The following DNAJC3 variants were observed in gnomAD, a reference collection of about 807,000 sequenced individuals.
The protein encoded by DNAJC3 is DnaJ heat shock protein family (Hsp40) member C3.
A neutral mutation model predicts 68.6 loss-of-function variants in DNAJC3; 38 were observed. The ratio of observed to expected loss-of-function variants is 0.55; its 90% confidence interval spans 0.43 to 0.73. The LOEUF (loss-of-function observed/expected upper bound fraction) is 0.73, where lower values mean the gene tolerates loss of function less well. DNAJC3 is among the 30% of genes least tolerant of loss of function. The pLI is 0.00. For missense variants in DNAJC3, 526 were observed against 591.9 expected, an observed-to-expected ratio of 0.89 and a Z score of 1.16; for synonymous variants, 203 against 204.0, an observed-to-expected ratio of 1.00 and a Z score of 0.04.
At chr13:95,713,437 G>C (rs983301293) in intron 2 of DNAJC3, among the ~76,000 whole-genome samples, 2 of 152,142 alleles carry the variant, frequency 1.3e-5, no homozygotes, top group African/African-American at 4.8e-5. Context: ...TGAAAGATGT[G>C]CAAGAACACT....
intron 9 of DNAJC3, among the ~76,000 whole-genome samples, chr13:95,782,092 A>G (rs558036797): frequency 1.3e-5 from 2 of 152,302 alleles, no homozygotes; most frequent in South Asian, 4.1e-4. Context: ...GCTGAGAACA[A>G]TGGTTTCCAG....
intron 4 of DNAJC3, chr13:95,745,042 A>G (rs1882260590): frequency 6.6e-6 from 1 of 152,222 alleles, no homozygotes; most frequent in Non-Finnish European, 1.5e-5. Context: ...GCCCAGAGAC[A>G]CTTACTGGGG....
chr13:95,718,264 T>C (rs1297436087), intron 2 of DNAJC3, among the ~76,000 whole-genome samples: 1 of 152,242 alleles, frequency 6.6e-6, no homozygotes, highest in African/African-American at 2.4e-5. Context: ...AAACTAAGCA[T>C]GCATTTCTAA....
intron 9 of DNAJC3, among the ~76,000 whole-genome samples, chr13:95,783,178 C>G (rs2139695081): frequency 6.6e-6 from 1 of 152,174 alleles, no homozygotes; most frequent in African/African-American, 2.4e-5. Flanking sequence ...TTAAAATGGT[C>G]TGTCTAGTTA....
chr13:95,738,932 A>C (rs1242677323), intron 4 of DNAJC3, among the ~76,000 whole-genome samples: 1 of 151,358 alleles, frequency 6.6e-6, no homozygotes, highest in African/African-American at 2.4e-5. Flanking sequence ...TGGTCTTTAC[A>C]TTTTGGCATG....
chr13:95,789,971 G>C (rs1321254538), intron 11 of DNAJC3, among the ~76,000 whole-genome samples: 1 of 151,994 alleles, frequency 6.6e-6, no homozygotes, highest in Non-Finnish European at 1.5e-5. Context: ...ACTTTTTAAT[G>C]GGGTTGTTTT....
chr13:95,762,415 C>CA (rs17882680), intron 7 of DNAJC3, among the ~76,000 whole-genome samples: 44 of 150,436 alleles, frequency 2.9e-4, no homozygotes, highest in East Asian at 1.6e-3. Context: ...ATATATGAAA[C>CA]AAAAAAAAAG....
chr13:95,735,205 T>G (rs2139652118), intron 4 of DNAJC3, among the ~76,000 whole-genome samples: 1 of 134,978 alleles, frequency 7.4e-6, no homozygotes, highest in Admixed American at 7.9e-5. Flanking sequence ...CACATTTTCT[T>G]AATCCAGTCT....
intron 1 of DNAJC3, among the ~76,000 whole-genome samples, chr13:95,691,838 C>T (rs970712259): frequency 2.6e-5 from 4 of 152,226 alleles, no homozygotes; most frequent in African/African-American, 7.2e-5. Flanking sequence ...GGATCACTCG[C>T]GGTTAGGAGC....
At chr13:95,712,007 G>A (rs999655123) in intron 2 of DNAJC3, among the ~76,000 whole-genome samples, 2 of 152,158 alleles carry the variant, frequency 1.3e-5, no homozygotes, top group African/African-American at 2.4e-5. Flanking sequence ...TATTATGTTT[G>A]TACACACAAA....
intron 1 of DNAJC3, among the ~76,000 whole-genome samples, chr13:95,703,732 T>C (rs893868382): frequency 2.6e-5 from 4 of 152,184 alleles, no homozygotes; most frequent in African/African-American, 7.2e-5. Context: ...CTTGTGTCTG[T>C]AACTGGTCTG....
chr13:95,692,148 C>G (rs1278090303), intron 1 of DNAJC3, among the ~76,000 whole-genome samples: 3 of 151,676 alleles, frequency 2.0e-5, no homozygotes, highest in Admixed American at 2.0e-4. Context: ...GGGAGAGGGA[C>G]AATTTGGACT....
At position 95,757,635 on chromosome 13, in the gene DNAJC3, TC is replaced by T. The variant is rs1428953007; in HGVS notation, c.394-7del. ...AAAAACTCTGCTTAGTTTTTTATTTTCCTTATAGCTCAAATCTAATCCAAGT... is the reference window on the plus strand; with the variant it reads ...AAAAACTCTGCTTAGTTTTTTATTTTCTTATAGCTCAAATCTAATCCAAGT... On this transcript the variant is annotated splice_region_variant and splice_polypyrimidine_tract_variant and intron_variant, in intron 4 of 11. Transcript: ENST00000602402. 1 of 1,539,568 alleles carries T rather than the reference TC, an allele frequency of 6.5e-7. No individual in the cohort carries two copies.
intron 5 of DNAJC3, among the ~76,000 whole-genome samples, chr13:95,758,312 G>T (rs1882725143): frequency 6.6e-6 from 1 of 151,898 alleles, no homozygotes; most frequent in Non-Finnish European, 1.5e-5. Flanking sequence ...ACCCCAGCCT[G>T]GGCGACAGAA....
At chr13:95,702,612 A>G (rs1288785074) in intron 1 of DNAJC3, among the ~76,000 whole-genome samples, 5 of 152,260 alleles carry the variant, frequency 3.3e-5, no homozygotes, top group African/African-American at 1.2e-4. Context: ...CCCTTTCACC[A>G]CATAGGGACT....
Position 95,763,505 on chromosome 13 carries a change from A to C in DNAJC3, c.849-138A>C, listed in dbSNP as rs977804386. On this transcript the variant is annotated intron_variant, in intron 7 of 11. Coordinates refer to ENST00000602402, the MANE Select transcript of DNAJC3 (RefSeq NM_006260.5). ...CCTTCTATGGGACTCTAGATTAATA[A>C]GGGAAAAGCCGAATCTGAAGCCATG... is the stretch of plus-strand genomic sequence containing the variant. The C allele has an allele frequency of 2.1e-5, 15 of 709,206 alleles. No individual in the cohort carries two copies. In the African/African-American group the frequency reaches 2.3e-4, roughly 11 times the overall value. The allele number at this position is 709,206 out of a possible 1,614,324, so 43.9% of individuals were successfully genotyped here.
chr13:95,761,447 A>G (rs991414009), intron 7 of DNAJC3, among the ~76,000 whole-genome samples: 6 of 152,142 alleles, frequency 3.9e-5, no homozygotes, highest in East Asian at 1.9e-4. Flanking sequence ...ATAGGCTCCA[A>G]TTCCTCTACT....
intron 1 of DNAJC3, among the ~76,000 whole-genome samples, chr13:95,691,843 A>G (rs901367378): frequency 6.6e-6 from 1 of 152,260 alleles, no homozygotes; most frequent in Admixed American, 6.5e-5. Flanking sequence ...ACTCGCGGTT[A>G]GGAGCTGGAG....
intron 1 of DNAJC3, chr13:95,694,487 A>G (rs957327854): frequency 2.6e-5 from 4 of 152,620 alleles, no homozygotes; most frequent in East Asian, 3.8e-4. Context: ...AGAATAAAGC[A>G]TATGTCATTA....
Sources: allele counts gnomAD v4.1 joint callset (sites outside exome capture counted in the v4.1 genomes callset), GRCh38; gene constraint gnomAD v4.1.1; transcripts MANE v1.5; gene names NCBI Gene and HGNC (gene_info 2026-07-23, HGNC 2026-07-21).